The following BANK1 variants were observed in gnomAD, a reference collection of about 807,000 sequenced individuals.
BANK1 encodes B cell scaffold protein with ankyrin repeats 1, also known as B-cell scaffold protein with ankyrin repeats.
BANK1 carries 95 observed loss-of-function variants against 94.5 expected under a neutral mutation model. The observed-to-expected ratio is 1.00, with a 90% confidence interval of 0.85 to 1.19. The LOEUF (loss-of-function observed/expected upper bound fraction) is 1.19, where lower values mean the gene tolerates loss of function less well. BANK1 is among the 50% of genes most tolerant of loss of function. The pLI is 0.00. For synonymous variants in BANK1, 334 were observed against 308.4 expected, an observed-to-expected ratio of 1.08 and a Z score of -0.87; for missense variants, 987 against 932.2, an observed-to-expected ratio of 1.06 and a Z score of -0.77.
At chr4:101,990,852 G>A (rs538982399) in intron 7 of BANK1, among the ~76,000 whole-genome samples, 3 of 152,198 alleles carry the variant, frequency 2.0e-5, no homozygotes, top group Admixed American at 2.0e-4. Flanking sequence ...AAATTGAGAT[G>A]ATGATGGTAT....
intron 10 of BANK1, chr4:102,032,167 T>C (rs930351004): frequency 3.3e-5 from 5 of 152,140 alleles, no homozygotes; most frequent in African/African-American, 1.2e-4. Flanking sequence ...TATAGCTTGA[T>C]ACAAAAAGTT....
At chr4:101,868,760 G>A (rs935306781) in intron 4 of BANK1, among the ~76,000 whole-genome samples, 1 of 151,850 alleles carries the variant, frequency 6.6e-6, no homozygotes, top group Non-Finnish European at 1.5e-5. Context: ...ACAGAGTACT[G>A]CTCATGTGAA....
chr4:101,902,921 GTAAA>G (rs1722329719), intron 6 of BANK1, among the ~76,000 whole-genome samples: 1 of 152,172 alleles, frequency 6.6e-6, no homozygotes, highest in South Asian at 2.1e-4. Flanking sequence ...TTGCAGTTGG[GTAAA>G]TAAAGTCATC....
At chr4:102,016,771 T>C (rs1726714853) in intron 7 of BANK1, among the ~76,000 whole-genome samples, 1 of 152,202 alleles carries the variant, frequency 6.6e-6, no homozygotes, top group South Asian at 2.1e-4. Flanking sequence ...TCCATAACTG[T>C]TTTCTTCTAA....
rs10005310 is a variant in BANK1 at position 101,845,157 on chromosome 4, A to G, written c.470-9878A>G. ...ATGAAACTAAATACTATTCCGTTCCATGATGTGATTATTATGTATTGCATG... is the reference window on the plus strand; with the variant it reads ...ATGAAACTAAATACTATTCCGTTCCGTGATGTGATTATTATGTATTGCATG... On this transcript the variant is annotated intron_variant, in intron 2 of 16. Coordinates refer to ENST00000322953, the MANE Select transcript of BANK1 (RefSeq NM_017935.5). 1.7e-3 allele frequency among the ~76,000 whole-genome samples: 266 copies of G among 152,280 alleles called. 1 individual carries two copies. Among genetic ancestry groups the G allele is most frequent in the African/African-American group, 5.8e-3 (242 of 41,576 alleles).
intron 11 of BANK1, among the ~76,000 whole-genome samples, chr4:102,054,691 G>T (rs1233687349): frequency 6.6e-6 from 1 of 152,070 alleles, no homozygotes; most frequent in Non-Finnish European, 1.5e-5. Flanking sequence ...AGAAAATGAA[G>T]ACTCAAAGAA....
At chr4:101,945,462 A>G (rs1227719703) in intron 7 of BANK1, among the ~76,000 whole-genome samples, 2 of 151,978 alleles carry the variant, frequency 1.3e-5, no homozygotes, top group Non-Finnish European at 1.5e-5. Context: ...TATTATCTCA[A>G]TTTTACAGAT....
intron 8 of BANK1, among the ~76,000 whole-genome samples, chr4:102,021,856 A>G (rs889750642): frequency 3.3e-5 from 5 of 152,088 alleles, no homozygotes; most frequent in Admixed American, 1.3e-4. Context: ...TGTTATGACT[A>G]TGTGGACTAT....
intron 7 of BANK1, among the ~76,000 whole-genome samples, chr4:101,986,823 G>GTA (rs1220440201): frequency 8.7e-6 from 1 of 115,408 alleles, no homozygotes; most frequent in Non-Finnish European, 1.8e-5. Flanking sequence ...ATATATATGT[G>GTA]TATATATATG....
chr4:102,022,892 C>T (rs1382566733), intron 8 of BANK1, among the ~76,000 whole-genome samples: 3 of 152,164 alleles, frequency 2.0e-5, no homozygotes, highest in Admixed American at 6.5e-5. Flanking sequence ...TTTGCACTTT[C>T]TATTCCTTCT....
chr4:101,866,729 A>G (rs57803876), intron 4 of BANK1, among the ~76,000 whole-genome samples: 15,703 of 96,062 alleles, frequency 0.16, 4,484 homozygotes, highest in African/African-American at 0.34. Context: ...TGTTTATTGC[A>G]GCACTATTCA....
intron 5 of BANK1, among the ~76,000 whole-genome samples, chr4:101,880,261 A>G (rs539423872): frequency 3.9e-5 from 6 of 152,234 alleles, no homozygotes; most frequent in African/African-American, 7.2e-5. Context: ...TAAAATCAGC[A>G]TACAAAAAAC....
At chr4:101,949,714 A>C (rs1289791046) in intron 7 of BANK1, among the ~76,000 whole-genome samples, 2 of 152,182 alleles carry the variant, frequency 1.3e-5, no homozygotes, top group Non-Finnish European at 2.9e-5. Flanking sequence ...TACATGAAAA[A>C]GTAATAAATG....
chr4:102,066,242 A>C (rs1235971936), intron 13 of BANK1, among the ~76,000 whole-genome samples: 1 of 150,500 alleles, frequency 6.6e-6, no homozygotes, highest in Non-Finnish European at 1.5e-5. Context: ...GGAGGATTAA[A>C]AATACAATAA....
chr4:101,991,068 TA>T (rs1186278192), intron 7 of BANK1, among the ~76,000 whole-genome samples: 2 of 152,194 alleles, frequency 1.3e-5, no homozygotes, highest in Non-Finnish European at 2.9e-5. Flanking sequence ...AATCATTAGT[TA>T]AAAAGTATTA....
rs367977703 is a variant in BANK1 at position 101,950,863 on chromosome 4, C to T, written c.1206+32674C>T. Among the ~76,000 whole-genome samples, 35 of 152,184 alleles carry T rather than the reference C, an allele frequency of 2.3e-4. No individual in the cohort carries two copies. In the East Asian group the frequency reaches 3.9e-3, roughly 17 times the overall value. ...TGGTGGCTCCACCATTGAGGTCTTC[C>T]GCCCCAAAACTCATAACCTCAGTCT... On this transcript the variant is annotated intron_variant, in intron 7 of 16. Coordinates refer to ENST00000322953, the MANE Select transcript of BANK1 (RefSeq NM_017935.5).
intron 7 of BANK1, among the ~76,000 whole-genome samples, chr4:101,926,247 A>G (rs1723148072): frequency 1.3e-5 from 2 of 151,684 alleles, no homozygotes; most frequent in African/African-American, 2.4e-5. Flanking sequence ...TATTCATCAA[A>G]TATTACAGCT....
chr4:101,856,186 G>A (rs1039239430), intron 3 of BANK1, among the ~76,000 whole-genome samples: 1 of 152,074 alleles, frequency 6.6e-6, no homozygotes, highest in Admixed American at 6.6e-5. Context: ...GTATAGTTTA[G>A]TTTCCTCACC....
At chr4:101,910,037 C>T (rs2148897075) in intron 6 of BANK1, among the ~76,000 whole-genome samples, 1 of 152,234 alleles carries the variant, frequency 6.6e-6, no homozygotes, top group East Asian at 1.9e-4. Flanking sequence ...ATTTTCTTGT[C>T]TATCCACTTT....
Sources: gnomAD v4.1 joint callset for allele counts (sites outside exome capture counted in the v4.1 genomes callset) on GRCh38, gnomAD v4.1.1 for gene constraint, MANE v1.5 for transcripts, NCBI Gene and HGNC (gene_info 2026-07-23, HGNC 2026-07-21) for gene names.